Variants in SNX18 observed in about 807,000 individuals in gnomAD.
The protein encoded by SNX18 is sorting nexin 18, also known as sorting nexin-18.
Under a neutral mutation model 48.7 loss-of-function variants are expected in SNX18, and 35 were observed. The observed-to-expected ratio is 0.72, with a 90% CI of 0.55 to 0.95. The LOEUF is 0.95. Among genes scored for constraint, SNX18 ranks in the 40% least tolerant of loss-of-function variants. The probability of loss-of-function intolerance (pLI) is 0.00; values close to 1 mark genes in which losing one functional copy is unlikely to be tolerated. For missense variants in SNX18, 824 were observed against 871.0 expected (o/e 0.95, Z 0.68); for synonymous variants, 492 against 384.7 (o/e 1.28, Z -3.26).
At chr5:54,615,654 C>T in the SNX18 span, among the ~76,000 whole-genome samples, 1 of 152,172 alleles carries the variant, frequency 6.6e-6, no homozygotes, top group East Asian at 1.9e-4. Context: ...GGGTATGCCA[C>T]CTAGTTTGGG....
rs777270765 is a variant in SNX18, at chr5:54,518,933, C to T, written c.981C>T (p.Phe327=). ...TGTACGCGCGCCTGGCGGAGAAGTT[C>T]CCGGTCATCTCCGTGCCCCACCTGC... The part of the protein sequence containing the change: ...DWLYARLAEK[F]PVISVPHLPE... Residue 327 remains phenylalanine, a synonymous_variant, in exon 1 of 2, where the codon TTC becomes TTT. Coordinates refer to ENST00000381410, the MANE Select transcript of SNX18 (RefSeq NM_001102575.2). 103 of 1,613,860 alleles carry T rather than the reference C, an allele frequency of 6.4e-5. 3 individuals carry two copies. In the South Asian group the frequency reaches 1.0e-3, roughly 16 times the overall value.
In SNX18 at chr5:54,545,108, G is replaced by A. The variant is rs1452441264; in HGVS notation, c.*1676G>A. On this transcript the variant is annotated 3_prime_UTR_variant, in exon 2 of 2. Transcript: ENST00000381410. ...AGATCAGATTATCATTTTGATATTT[G>A]GTCAAAATTTTGTACCTTAGGTTAC... The A allele has an allele frequency of 2.6e-5, 4 of 151,984 alleles. No homozygotes were observed. The highest frequency in any genetic ancestry group is 5.9e-5 in the Non-Finnish European group (4 of 67,984). 9.4% of individuals were successfully genotyped at this position (151,984 alleles called of 1,614,324 possible).
the SNX18 span, among the ~76,000 whole-genome samples, chr5:54,603,292 G>A: frequency 4.0e-5 from 6 of 151,620 alleles, no homozygotes. Context: ...CCAGGCTGGA[G>A]TGCAGTGGCA....
the SNX18 span, among the ~76,000 whole-genome samples, chr5:54,560,823 C>T: frequency 4.6e-5 from 7 of 152,018 alleles, no homozygotes; most frequent in South Asian, 2.1e-4. Flanking sequence ...ATCATGTCTG[C>T]GAAAGTGCTT....
chr5:54,536,122 A>G (rs2112852637), intron 1 of SNX18, among the ~76,000 whole-genome samples: 1 of 152,332 alleles, frequency 6.6e-6, no homozygotes, highest in Admixed American at 6.5e-5. Flanking sequence ...TTGGAGGCTC[A>G]GCCTAGGCGG....
intron 1 of SNX18, among the ~76,000 whole-genome samples, chr5:54,538,837 G>A (rs1461235186): frequency 1.3e-5 from 2 of 152,126 alleles, no homozygotes; most frequent in African/African-American, 4.8e-5. Flanking sequence ...TCTTTTGAAG[G>A]TGGATCTGGG....
At chr5:54,569,951 T>TTA in the SNX18 span, among the ~76,000 whole-genome samples, 1 of 152,158 alleles carries the variant, frequency 6.6e-6, no homozygotes, top group East Asian at 1.9e-4. Flanking sequence ...TTTTATTTTT[T>TTA]TATATATATA....
chr5:54,554,364 T>C, the SNX18 span, among the ~76,000 whole-genome samples: 1 of 152,180 alleles, frequency 6.6e-6, no homozygotes, highest in African/African-American at 2.4e-5. Context: ...CTTCACTATG[T>C]TTTAAAAGCT....
chr5:54,610,632 T>C, the SNX18 span, among the ~76,000 whole-genome samples: 28 of 152,258 alleles, frequency 1.8e-4, no homozygotes, highest in Non-Finnish European at 1.2e-4. Flanking sequence ...ATAATGTTAT[T>C]GCTTTGGTGT....
rs547906572 is a variant in SNX18 at position 54,526,279 on chromosome 5, A to T, written c.1621+6706A>T. Among the ~76,000 whole-genome samples the T allele has an allele frequency of 2.6e-5, 4 of 151,442 alleles. No individual in the cohort carries two copies. In the South Asian group the frequency reaches 8.4e-4, roughly 32 times the overall value. ...GCCACCATGCTTGGCTAACTTTTTT[A>T]TTTTTTTTAGTAGAGACGGGGTTTC... On this transcript the variant is annotated intron_variant, in intron 1 of 1. Transcript: ENST00000381410.
At chr5:54,543,081 A>T (rs1185075929) in intron 1 of SNX18, 98 bp from the exon 2 acceptor site, 15 of 1,195,476 alleles carry the variant, frequency 1.3e-5, no homozygotes, top group Non-Finnish European at 1.6e-5. Context: ...TAGTTTGGGC[A>T]ACTATTTATA....
chr5:54,577,882 A>C, the SNX18 span, among the ~76,000 whole-genome samples: 1 of 152,212 alleles, frequency 6.6e-6, no homozygotes, highest in Non-Finnish European at 1.5e-5. Context: ...AATGCCCAAG[A>C]ATCGGGAGGG....
chr5:54,612,114 C>G, the SNX18 span, among the ~76,000 whole-genome samples: 2 of 152,080 alleles, frequency 1.3e-5, no homozygotes, highest in Non-Finnish European at 2.9e-5. Flanking sequence ...CTCCTGGGAT[C>G]AAGCGATAAC....
At chr5:54,611,729 G>A in the SNX18 span, among the ~76,000 whole-genome samples, 3 of 152,038 alleles carry the variant, frequency 2.0e-5, no homozygotes, top group Non-Finnish European at 4.4e-5. Flanking sequence ...GCCTTTATCT[G>A]GTAAAAGAAA....
In SNX18 at chr5:54,518,935, C is replaced by T. The variant is rs1761947922; in HGVS notation, c.983C>T (p.Pro328Leu). ...WLYARLAEKF[P>L]VISVPHLPEK... Reference sequence around the variant, plus strand: ...TACGCGCGCCTGGCGGAGAAGTTCCCGGTCATCTCCGTGCCCCACCTGCCC... The same window carrying T: ...TACGCGCGCCTGGCGGAGAAGTTCCTGGTCATCTCCGTGCCCCACCTGCCC... The change falls in exon 1 of 2, where the codon CCG becomes CTG. Residue 328 changes from proline (P) to leucine (L), a missense_variant. By Grantham distance (98) the Pro-to-Leu change is moderately conservative (BLOSUM62 -3). Transcript: ENST00000381410. The T allele has an allele frequency of 1.2e-6, 2 of 1,613,714 alleles. No homozygotes were observed. The highest frequency in any genetic ancestry group is 1.7e-6 in the Non-Finnish European group (2 of 1,180,036).
the SNX18 span, among the ~76,000 whole-genome samples, chr5:54,588,115 C>T: frequency 6.6e-6 from 1 of 151,924 alleles, no homozygotes. Context: ...GCAGAAGTTC[C>T]CAAACACTCT....
the SNX18 span, among the ~76,000 whole-genome samples, chr5:54,588,614 A>T: frequency 6.6e-6 from 1 of 152,268 alleles, no homozygotes; most frequent in South Asian, 2.1e-4. Context: ...GGCGTGAGCC[A>T]CCGCACCCAG....
chr5:54,532,813 A>G (rs73117039), intron 1 of SNX18, among the ~76,000 whole-genome samples: 1,772 of 152,320 alleles, frequency 0.012, 38 homozygotes, highest in African/African-American at 0.04. Flanking sequence ...AAGAGGTACA[A>G]TCATGTGATT....
intron 1 of SNX18, among the ~76,000 whole-genome samples, chr5:54,523,265 TG>T (rs11357391): frequency 0.16 from 24,822 of 152,082 alleles, 2,734 homozygotes; most frequent in African/African-American, 0.3. Context: ...TGGGTAGTAC[TG>T]AGGAATATAT....
Sources: gnomAD v4.1 joint callset for allele counts (sites outside exome capture counted in the v4.1 genomes callset) on GRCh38, gnomAD v4.1.1 for gene constraint, MANE v1.5 for transcripts, NCBI Gene and HGNC (gene_info 2026-07-23, HGNC 2026-07-21) for gene names.